CACNA2D2: variants seen among roughly 807,000 people sequenced by gnomAD.
The protein encoded by CACNA2D2 is voltage-dependent calcium channel subunit alpha-2/delta-2.
A neutral mutation model predicts 166.4 loss-of-function variants in CACNA2D2; 48 were observed. That is an observed-to-expected ratio of 0.29 (90% CI 0.23 to 0.37). The LOEUF (loss-of-function observed/expected upper bound fraction) is 0.37. CACNA2D2 is among the 10% of genes least tolerant of loss of function. The pLI is 1.00. For missense variants in CACNA2D2, 1,122 were observed against 1,433.0 expected, an observed-to-expected ratio of 0.78 and a Z score of 3.50; for synonymous variants, 561 against 573.7, an observed-to-expected ratio of 0.98 and a Z score of 0.32.
At chr3:50,452,618 T>C (rs556117898) in intron 2 of CACNA2D2, among the ~76,000 whole-genome samples, 1 of 152,336 alleles carries the variant, frequency 6.6e-6, no homozygotes, top group South Asian at 2.1e-4. Flanking sequence ...CTGGGAGCTA[T>C]CAATGCTTTG....
At chr3:50,423,346 A>G (rs952922805) in intron 3 of CACNA2D2, among the ~76,000 whole-genome samples, 1 of 152,268 alleles carries the variant, frequency 6.6e-6, no homozygotes, top group Admixed American at 6.5e-5. Flanking sequence ...AGGGCTGCTC[A>G]GAGGGATCTT....
intron 2 of CACNA2D2, among the ~76,000 whole-genome samples, chr3:50,435,978 G>A (rs1708302752): frequency 6.6e-6 from 1 of 152,236 alleles, no homozygotes; most frequent in Non-Finnish European, 1.5e-5. Flanking sequence ...TTCACAGAGG[G>A]AGACAGTGTT....
At chr3:50,426,560 G>A (rs146457337) in intron 3 of CACNA2D2, among the ~76,000 whole-genome samples, 3 of 152,276 alleles carry the variant, frequency 2.0e-5, no homozygotes, top group Non-Finnish European at 4.4e-5. Context: ...GGGAGAATTC[G>A]GTGGCTGGGT....
intron 1 of CACNA2D2, among the ~76,000 whole-genome samples, chr3:50,492,035 ACCCAGT>A (rs1309682192): frequency 6.6e-6 from 1 of 152,150 alleles, no homozygotes; most frequent in Non-Finnish European, 1.5e-5. Context: ...GACCAATGAC[ACCCAGT>A]CCTCTGCAGT....
chr3:50,489,503 A>T (rs890421924), intron 1 of CACNA2D2, among the ~76,000 whole-genome samples: 1 of 152,180 alleles, frequency 6.6e-6, no homozygotes, highest in Non-Finnish European at 1.5e-5. Flanking sequence ...GGCCATAGTC[A>T]TGAGGTCTGG....
intron 2 of CACNA2D2, among the ~76,000 whole-genome samples, chr3:50,446,874 TTG>T (rs1371156158): frequency 5.9e-5 from 9 of 152,136 alleles, no homozygotes; most frequent in Admixed American, 5.9e-4. Context: ...GTGCTTCGAC[TTG>T]TAGGAAACCA....
chr3:50,424,926 CCCT>C (rs1274325318), intron 3 of CACNA2D2, among the ~76,000 whole-genome samples: 77 of 144,226 alleles, frequency 5.3e-4, no homozygotes, highest in African/African-American at 2.2e-3. Flanking sequence ...CACCCTATCC[CCCT>C]ACCTGGGTCT....
rs1242151817 is a variant in CACNA2D2, at chr3:50,367,464, G to A, written c.2331C>T (p.Pro777=). ...AAEDWTENPE[P]FNASFYRRSL... ...TGCGGCGGTAGAAGCTGGCATTGAA[G>A]GGCTCAGGGTTCTCTGTCCAGTCCT... Residue 777 remains proline (P), a synonymous_variant, in exon 27 of 38, where the codon CCC becomes CCT. Transcript: ENST00000424201. This position sits in a 1 kb window ranked among gnomAD's most constrained non-coding sequence, Gnocchi z 6.5. 1 of 1,613,968 alleles carries A rather than the reference G, an allele frequency of 6.2e-7. No homozygotes were observed. The highest frequency in any genetic ancestry group is 8.5e-7 in the Non-Finnish European group (1 of 1,180,010).
At chr3:50,373,140 A>G in intron 22 of CACNA2D2, 4 of 1,485,118 alleles carry the variant, frequency 2.7e-6, no homozygotes, top group Non-Finnish European at 2.7e-6. Flanking sequence ...CACAAACACA[A>G]AAACAAACGA....
rs146614114 is a variant in CACNA2D2, at chr3:50,377,849, C to A, written c.1480-46G>T. 4,994 of 1,556,650 alleles carry A rather than the reference C, an allele frequency of 3.2e-3. 46 individuals carry two copies. Among genetic ancestry groups the A allele is most frequent in the South Asian group, 0.015 (1,327 of 87,052 alleles). ...TGGAGTCACCTGTGGCCAGCACTGA[C>A]CCCACCCTGAGTGTTCAGAGCAGGG... On this transcript the variant is annotated intron_variant, in intron 15 of 37. Coordinates refer to ENST00000424201, the MANE Select transcript of CACNA2D2 (RefSeq NM_006030.4).
rs1704458712 is a variant in CACNA2D2 at position 50,368,253 on chromosome 3, C to T, written c.2046-18G>A. On this transcript the variant is annotated intron_variant, in intron 23 of 37. Transcript: ENST00000424201. ...AGTACTCTCTAGGGATGGGGAGGGG[C>T]AAGAAGAGTGGGCTTGGGGGGCTGG... The T allele has an allele frequency of 6.6e-7, 1 of 1,519,532 alleles. No homozygotes were observed. Among genetic ancestry groups the T allele is most frequent in the Non-Finnish European group, 9.1e-7 (1 of 1,093,858 alleles). The allele number at this position is 1,519,532 out of a possible 1,614,324, so 94.1% of individuals were successfully genotyped here. A position where few individuals can be genotyped will look rare whatever the true frequency, so the allele number is the denominator to read the frequency against.
chr3:50,408,590 C>T (rs914202307), intron 3 of CACNA2D2, among the ~76,000 whole-genome samples: 3 of 152,264 alleles, frequency 2.0e-5, no homozygotes, highest in Non-Finnish European at 2.9e-5. Flanking sequence ...TTGGTTATTA[C>T]GAGGAGTAAA....
Position 50,427,412 on chromosome 3 carries a change from A to G in CACNA2D2, c.405+6901T>C, listed in dbSNP as rs1290018912. On this transcript the variant is annotated intron_variant, in intron 3 of 37. Coordinates refer to ENST00000424201, the MANE Select transcript of CACNA2D2 (RefSeq NM_006030.4). This position sits in a 1 kb window ranked among gnomAD's most constrained non-coding sequence, Gnocchi z 4.7. ...AGGAAGCAGCGGCACTGTTTGGGTGAGGGGAGAATAATCAGCTGTAAACGC... is the reference window on the plus strand; with the variant it reads ...AGGAAGCAGCGGCACTGTTTGGGTGGGGGGAGAATAATCAGCTGTAAACGC... Among the ~76,000 whole-genome samples the G allele has an allele frequency of 6.6e-6, 1 of 152,198 alleles. No homozygotes were observed. Among genetic ancestry groups the G allele is most frequent in the African/African-American group, 2.4e-5 (1 of 41,444 alleles).
intron 22 of CACNA2D2, among the ~76,000 whole-genome samples, chr3:50,371,950 G>T (rs1301464776): frequency 6.6e-6 from 1 of 151,900 alleles, no homozygotes; most frequent in Non-Finnish European, 1.5e-5. Context: ...CTGGCCACTG[G>T]AGGTGGCTCT....
chr3:50,449,160 C>A (rs918333643), intron 2 of CACNA2D2, among the ~76,000 whole-genome samples: 1 of 152,206 alleles, frequency 6.6e-6, no homozygotes, highest in South Asian at 2.1e-4. Context: ...AAGGTAGATT[C>A]GTTGAAGCCA....
chr3:50,430,457 T>C (rs968574352), intron 3 of CACNA2D2, among the ~76,000 whole-genome samples: 9 of 152,144 alleles, frequency 5.9e-5, no homozygotes, highest in Admixed American at 5.9e-4. Context: ...AAACCAGAAG[T>C]GCTGGGCAGG....
chr3:50,390,533 C>T (rs778389307), intron 4 of CACNA2D2, among the ~76,000 whole-genome samples: 12 of 152,128 alleles, frequency 7.9e-5, no homozygotes, highest in Non-Finnish European at 1.2e-4. Flanking sequence ...TGGAGTGAAA[C>T]GGGTGTCCTT....
At position 50,410,335 on chromosome 3, in the gene CACNA2D2, T is replaced by C. The variant is rs371701285; in HGVS notation, c.406-16167A>G. Among the ~76,000 whole-genome samples the C allele has an allele frequency of 7.9e-5, 12 of 152,310 alleles. No homozygotes were observed. The East Asian group carries it at 9.6e-4, about 12-fold the overall frequency. ...TTCTGTTGTGAGCCATCCTCACTCA[T>C]TCTCACAGGTGAAGAAACCGAGGCT... On this transcript the variant is annotated intron_variant, in intron 3 of 37. Transcript: ENST00000424201.
rs187138160 is a variant in CACNA2D2 at position 50,364,518 on chromosome 3, G to A, written c.*148C>T. 5.7e-3 allele frequency: 5,635 copies of A among 982,416 alleles called. 32 individuals carry two copies. The highest frequency in any genetic ancestry group is 7.1e-3 in the Non-Finnish European group (4,916 of 689,756). The allele number at this position is 982,416 out of a possible 1,614,324, so 60.9% of individuals were successfully genotyped here. A position where few individuals can be genotyped will look rare whatever the true frequency, so the allele number is the denominator to read the frequency against. On this transcript the variant is annotated 3_prime_UTR_variant, in exon 38 of 38. Transcript: ENST00000424201. Reference sequence around the variant, plus strand: ...CCCGCTTTGGGACTCCCCATCCCAAGGCGCAGACCAGACTCTCAGGGCCTG... The same window carrying A: ...CCCGCTTTGGGACTCCCCATCCCAAAGCGCAGACCAGACTCTCAGGGCCTG...
Sources: gnomAD v4.1 joint callset for allele counts (sites outside exome capture counted in the v4.1 genomes callset) on GRCh38, gnomAD v4.1.1 for gene constraint, Gnocchi (gnomAD v3.1) non-coding constraint, MANE v1.5 for transcripts, NCBI Gene and HGNC (gene_info 2026-07-23, HGNC 2026-07-21) for gene names.